SERPING1: variants seen among roughly 807,000 people sequenced by gnomAD.
The protein encoded by SERPING1 is plasma protease C1 inhibitor.
Under a neutral mutation model 34.1 loss-of-function variants are expected in SERPING1, and 5 were observed. The observed-to-expected ratio is 0.15, with a 90% CI of 0.08 to 0.31. The LOEUF is 0.31. SERPING1 is among the 10% of genes least tolerant of loss of function. The probability of loss-of-function intolerance (pLI) is 1.00; values close to 1 mark genes in which losing one functional copy is unlikely to be tolerated. For synonymous variants in SERPING1, 225 were observed against 242.4 expected, an observed-to-expected ratio of 0.93 and a Z score of 0.67; for missense variants, 505 against 609.5, an observed-to-expected ratio of 0.83 and a Z score of 1.81.
chr11:57,599,752 A>G, intron 2 of SERPING1, 127 bp from the exon 3 acceptor site: 1 of 1,323,454 alleles, frequency 7.6e-7, no homozygotes, highest in South Asian at 1.2e-5. Context: ...CATCTGCCGC[A>G]CTGTCAGAAA....
intron 6 of SERPING1, 53 bp downstream of exon 6, chr11:57,606,600 CT>C (rs1247956433): frequency 4.5e-5 from 72 of 1,594,928 alleles, no homozygotes; most frequent in Admixed American, 8.3e-5. Flanking sequence ...AGTCTCCTGA[CT>C]TTTTTTCTGC....
Position 57,600,247 on chromosome 11 carries a change from C to A in SERPING1, c.420C>A (p.Ala140=). The A allele has an allele frequency of 6.2e-7, 1 of 1,614,114 alleles. No individual in the cohort carries two copies. The highest frequency in any genetic ancestry group is 8.5e-7 in the Non-Finnish European group (1 of 1,180,022). Residue 140 remains alanine (A), a synonymous_variant, in exon 3 of 8, where the codon GCC becomes GCA. Transcript: ENST00000278407. ...ACTTGGAGAGTCATTCAACAGAGGC[C>A]GTGTTGGGGGATGCTTTGGTAGATT... ...CSDLESHSTE[A]VLGDALVDFS...
chr11:57,599,839 G>C (rs749187693), intron 2 of SERPING1, 40 bp from the exon 3 acceptor site: 2 of 1,613,848 alleles, frequency 1.2e-6, no homozygotes, highest in Admixed American at 3.3e-5. Context: ...ACTGTGCCTC[G>C]TAGTAAGAAA....
At position 57,600,270 on chromosome 11, in the gene SERPING1, A is replaced by C; in HGVS notation, c.443A>C (p.Asp148Ala). Residue 148 changes from aspartate (D) to alanine (A), a missense_variant, in exon 3 of 8, where the codon GAT (aspartate) becomes GCT (alanine). Coordinates refer to ENST00000278407, the MANE Select transcript of SERPING1 (RefSeq NM_000062.3). ...TEAVLGDALV[D>A]FSLKLYHAFS... Reference sequence around the variant, plus strand: ...GCCGTGTTGGGGGATGCTTTGGTAGATTTCTCCCTGAAGCTCTACCACGCC... The same window carrying C: ...GCCGTGTTGGGGGATGCTTTGGTAGCTTTCTCCCTGAAGCTCTACCACGCC... 6.2e-7 allele frequency: 1 copy of C among 1,614,074 alleles called. No homozygotes were observed. The highest frequency in any genetic ancestry group is 8.5e-7 in the Non-Finnish European group (1 of 1,180,026).
Position 57,606,033 on chromosome 11 carries a change from G to A in SERPING1, c.709G>A (p.Val237Met). The A allele has an allele frequency of 6.2e-7, 1 of 1,614,120 alleles. No individual in the cohort carries two copies. Among genetic ancestry groups the A allele is most frequent in the South Asian group, 1.1e-5 (1 of 91,072 alleles). ...AGACCTGGCCATAAGGGACACCTTT[G>A]TGAATGCCTCTCGGACCCTGTACAG... The part of the protein sequence containing the change: ...SPDLAIRDTF[V>M]NASRTLYSSS... The change falls in exon 5 of 8, where the codon GTG (valine) becomes ATG (methionine). Residue 237 changes from valine (V) to methionine (M), a missense_variant. Transcript: ENST00000278407.
At chr11:57,614,299 G>A in intron 7 of SERPING1, 29 bp from the exon 8 acceptor site, 1 of 1,611,642 alleles carries the variant, frequency 6.2e-7, no homozygotes, top group Non-Finnish European at 8.5e-7. Flanking sequence ...GCTGGCTTCT[G>A]ACTCTGTTTT....
chr11:57,611,583 G>T, intron 6 of SERPING1, 134 bp from the exon 7 acceptor site: 1 of 875,818 alleles, frequency 1.1e-6, no homozygotes, highest in South Asian at 1.4e-5. Flanking sequence ...GTAAAGCCTG[G>T]AAGCTTAGGT....
intron 6 of SERPING1, among the ~76,000 whole-genome samples, chr11:57,608,193 A>G (rs1287447213): frequency 1.3e-5 from 2 of 152,230 alleles, no homozygotes; most frequent in African/African-American, 4.8e-5. Context: ...ATCAATTGGA[A>G]TGGCTATTTA....
chr11:57,611,654 G>A, intron 6 of SERPING1, 63 bp from the exon 7 acceptor site: 7 of 1,449,072 alleles, frequency 4.8e-6, no homozygotes, highest in Non-Finnish European at 6.8e-6. Flanking sequence ...CATTGTGACA[G>A]AGGGTGGGGC....
chr11:57,610,390 A>G (rs113801556), intron 6 of SERPING1, among the ~76,000 whole-genome samples: 3 of 152,222 alleles, frequency 2.0e-5, no homozygotes, highest in African/African-American at 4.8e-5. Context: ...CAAGGTTCAT[A>G]CATAGGACTT....
chr11:57,600,076 T>G lies in SERPING1; in HGVS notation c.249T>G (p.Thr83=), dbSNP rs767640691. 1 of 1,613,680 alleles carries G rather than the reference T, an allele frequency of 6.2e-7. No individual in the cohort carries two copies. The highest frequency in any genetic ancestry group is 1.1e-5 in the South Asian group (1 of 91,036). The change falls in exon 3 of 8, where the codon ACT becomes ACG. Residue 83 remains threonine, a synonymous_variant. Coordinates refer to ENST00000278407, the MANE Select transcript of SERPING1 (RefSeq NM_000062.3). ...NSATKITANT[T]DEPTTQPTTE... is the part of the protein sequence containing the mutation. Reference sequence around the variant, plus strand: ...CCACCAAAATAACAGCTAATACCACTGATGAACCCACCACACAACCCACCA... The same window carrying G: ...CCACCAAAATAACAGCTAATACCACGGATGAACCCACCACACAACCCACCA...
At chr11:57,598,918 G>C (rs1565169142) in intron 2 of SERPING1, among the ~76,000 whole-genome samples, 1 of 139,000 alleles carries the variant, frequency 7.2e-6, no homozygotes, top group Non-Finnish European at 1.5e-5. Context: ...GGTAGGTAGG[G>C]GTGTGTGTAT....
At chr11:57,610,438 G>T (rs905229132) in intron 6 of SERPING1, among the ~76,000 whole-genome samples, 1 of 152,170 alleles carries the variant, frequency 6.6e-6, no homozygotes, top group African/African-American at 2.4e-5. Context: ...TATCCAACTT[G>T]AGTGCTACAT....
rs550408097 is a variant in SERPING1, at chr11:57,608,452, C to A, written c.1029+1905C>A. The stretch of plus-strand genomic sequence containing the variant: ...AATATCAATAATAAATATTCAAATA[C>A]AAAGCAGGTATAATATGAAGAGTAA... On this transcript the variant is annotated intron_variant, in intron 6 of 7. Transcript: ENST00000278407. Among the ~76,000 whole-genome samples the A allele has an allele frequency of 9.9e-5, 15 of 152,204 alleles. No homozygotes were observed. The South Asian group carries it at 3.1e-3, about 32-fold the overall frequency.
intron 3 of SERPING1, among the ~76,000 whole-genome samples, chr11:57,600,754 C>G (rs552451878): frequency 2.0e-5 from 3 of 152,164 alleles, no homozygotes; most frequent in African/African-American, 7.2e-5. Flanking sequence ...AGTTCAAGAC[C>G]AGCCTGGCCA....
chr11:57,601,893 A>T, intron 3 of SERPING1, 142 bp from the exon 4 acceptor site: 1 of 668,760 alleles, frequency 1.5e-6, no homozygotes, highest in Non-Finnish European at 2.5e-6. Flanking sequence ...AGAGATTGAG[A>T]GAACACTTCC....
rs3054018 is a variant in SERPING1 at position 57,598,932 on chromosome 11, C to CGT, written c.51+625_51+626dup. 0.4 allele frequency among the ~76,000 whole-genome samples: 60,521 copies of CGT among 150,742 alleles called. 12,685 individuals carry two copies. Among genetic ancestry groups the CGT allele is most frequent in the East Asian group, 0.75 (3,827 of 5,084 alleles). ...AGGTAGGTAGGGGTGTGTGTATGTG[C>CGT]GTGTGTGTGTGTGTGCACGCGCAAG... On this transcript the variant is annotated intron_variant, in intron 2 of 7. Coordinates refer to ENST00000278407, the MANE Select transcript of SERPING1 (RefSeq NM_000062.3).
At position 57,598,279 on chromosome 11, in the gene SERPING1, C is replaced by T; in HGVS notation, c.9C>T (p.Ser3=). 1 of 1,559,130 alleles carries T rather than the reference C, an allele frequency of 6.4e-7. No homozygotes were observed. Among genetic ancestry groups the T allele is most frequent in the Non-Finnish European group, 8.7e-7 (1 of 1,151,496 alleles). The change falls in exon 2 of 8, where the codon TCC becomes TCT. Residue 3 remains serine (S), a synonymous_variant. Coordinates refer to ENST00000278407, the MANE Select transcript of SERPING1 (RefSeq NM_000062.3). ...CTGACGTCGCCGCCCAGATGGCCTC[C>T]AGGCTGACCCTGCTGACCCTCCTGC... is the stretch of plus-strand genomic sequence containing the variant. MA[S]RLTLLTLLLL... is the part of the protein sequence containing the mutation.
chr11:57,607,850 G>A (rs1945428490), intron 6 of SERPING1, among the ~76,000 whole-genome samples: 1 of 152,188 alleles, frequency 6.6e-6, no homozygotes, highest in Non-Finnish European at 1.5e-5. Context: ...AGTAGAGACG[G>A]GGTTTCACCA....
Sources: allele counts gnomAD v4.1 joint callset (sites outside exome capture counted in the v4.1 genomes callset), GRCh38; gene constraint gnomAD v4.1.1; transcripts MANE v1.5; gene names NCBI Gene and HGNC (gene_info 2026-07-23, HGNC 2026-07-21).